The following ADD3 variants were observed in gnomAD, a reference collection of about 807,000 sequenced individuals.
ADD3 encodes gamma-adducin.
Under a neutral mutation model 80.2 loss-of-function variants are expected in ADD3, and 25 were observed. The observed-to-expected ratio is 0.31, with a 90% CI of 0.23 to 0.44. The LOEUF is 0.44. Ranked by LOEUF, ADD3 falls within the 20% of genes least tolerant of loss-of-function variation. The pLI is 1.00. For missense variants in ADD3, 829 were observed against 847.5 expected, an observed-to-expected ratio of 0.98 and a Z score of 0.27; for synonymous variants, 284 against 289.6, an observed-to-expected ratio of 0.98 and a Z score of 0.20.
At chr10:110,020,199 T>C (rs1431458470) in intron 1 of ADD3, among the ~76,000 whole-genome samples, 2 of 152,212 alleles carry the variant, frequency 1.3e-5, no homozygotes, top group Non-Finnish European at 2.9e-5. Flanking sequence ...CAAATATTTA[T>C]TGAGCAATTA....
intron 1 of ADD3, among the ~76,000 whole-genome samples, chr10:110,041,995 C>G (rs921179947): frequency 7.2e-5 from 11 of 152,142 alleles, no homozygotes; most frequent in African/African-American, 2.7e-4. Flanking sequence ...GGTAGCGTCT[C>G]TTGGGATCCG....
chr10:110,045,132 G>T (rs180782722), intron 1 of ADD3, among the ~76,000 whole-genome samples: 131 of 152,266 alleles, frequency 8.6e-4, no homozygotes, highest in African/African-American at 3.0e-3. Flanking sequence ...AGGTGGGGTG[G>T]ATCACAAGGT....
chr10:110,029,186 C>A (rs1854688837), intron 1 of ADD3, among the ~76,000 whole-genome samples: 2 of 152,084 alleles, frequency 1.3e-5, no homozygotes, highest in African/African-American at 4.8e-5. Flanking sequence ...GCTCACTTTC[C>A]ATTTCTTCAA....
upstream of ADD3, among the ~76,000 whole-genome samples, chr10:110,002,121 G>A (rs1300539184): frequency 6.6e-6 from 1 of 151,998 alleles, no homozygotes; most frequent in East Asian, 2.0e-4. Flanking sequence ...GTGAAACCTC[G>A]TTTCTACTAA....
chr10:110,058,602 A>G (rs747509000), intron 1 of ADD3, among the ~76,000 whole-genome samples: 4 of 152,230 alleles, frequency 2.6e-5, no homozygotes, highest in Non-Finnish European at 5.9e-5. Context: ...AAGCTGGGAA[A>G]TCAAGACATT....
chr10:110,112,753 A>C, intron 2 of ADD3, 24 bp from the exon 3 acceptor site: 1 of 1,602,952 alleles, frequency 6.2e-7, no homozygotes, highest in East Asian at 2.2e-5. Context: ...TTGCTTGCTC[A>C]GTCTTTATTT....
intron 1 of ADD3, among the ~76,000 whole-genome samples, chr10:110,032,374 C>T (rs1234720428): frequency 6.6e-6 from 1 of 152,144 alleles, no homozygotes; most frequent in African/African-American, 2.4e-5. Flanking sequence ...TGCATTCACT[C>T]ATCCACTTCT....
At chr10:110,102,667 G>A (rs529443839) in intron 2 of ADD3, among the ~76,000 whole-genome samples, 130 of 152,242 alleles carry the variant, frequency 8.5e-4, no homozygotes, top group Non-Finnish European at 1.6e-3. Context: ...ATTAGTAACT[G>A]AAAGAATGAA....
chr10:110,025,084 C>T (rs966422106), intron 1 of ADD3, among the ~76,000 whole-genome samples: 9 of 151,796 alleles, frequency 5.9e-5, no homozygotes, highest in East Asian at 1.9e-4. Context: ...TTAATAGCGT[C>T]GGGGTTTTGC....
At chr10:110,041,630 T>C (rs992327455) in intron 1 of ADD3, among the ~76,000 whole-genome samples, 1 of 152,222 alleles carries the variant, frequency 6.6e-6, no homozygotes. Context: ...CTTAGAATTA[T>C]GGGCAATTTC....
intron 1 of ADD3, among the ~76,000 whole-genome samples, chr10:110,092,792 A>G (rs751621751): frequency 1.3e-5 from 2 of 152,042 alleles, no homozygotes; most frequent in Non-Finnish European, 2.9e-5. Context: ...ACTGAAAAAA[A>G]AAACCCCTCA....
At chr10:110,063,001 G>A (rs1418471366) in intron 1 of ADD3, among the ~76,000 whole-genome samples, 1 of 152,090 alleles carries the variant, frequency 6.6e-6, no homozygotes, top group Non-Finnish European at 1.5e-5. Context: ...TGTGATTAAG[G>A]GAAAAAATAA....
Position 110,133,634 on chromosome 10 carries a change from AATT to A in ADD3, c.*25_*27del, listed in dbSNP as rs774267630. On this transcript the variant is annotated 3_prime_UTR_variant, in exon 15 of 15. Coordinates refer to ENST00000356080, the MANE Select transcript of ADD3 (RefSeq NM_016824.5). ...TGAGGCCTAAATAAAGTCTTTTTATAATTATTATTATAACAATGTGACATTGCA... is the reference window on the plus strand; with the variant it reads ...TGAGGCCTAAATAAAGTCTTTTTATAATTATTATAACAATGTGACATTGCA... 12 of 1,532,946 alleles carry A rather than the reference AATT, an allele frequency of 7.8e-6. No homozygotes were observed. Among genetic ancestry groups the A allele is most frequent in the African/African-American group, 2.8e-5 (2 of 71,954 alleles). 95.0% of individuals were successfully genotyped at this position (1,532,946 alleles called of 1,614,324 possible).
chr10:110,025,231 G>T (rs926585377), intron 1 of ADD3, among the ~76,000 whole-genome samples: 1 of 151,804 alleles, frequency 6.6e-6, no homozygotes, highest in African/African-American at 2.4e-5. Context: ...CCTAGCGTCC[G>T]TTCCACTAAG....
intron 1 of ADD3, among the ~76,000 whole-genome samples, chr10:110,028,310 A>G (rs1357494356): frequency 6.6e-6 from 1 of 151,926 alleles, no homozygotes; most frequent in Non-Finnish European, 1.5e-5. Context: ...GTGGTGGCTC[A>G]CGCCTGTAAT....
chr10:110,102,809 T>G, intron 2 of ADD3, among the ~76,000 whole-genome samples: 1 of 152,142 alleles, frequency 6.6e-6, no homozygotes, highest in East Asian at 1.9e-4. Context: ...TATGCCAGGG[T>G]TTTTGTCTTA....
At chr10:110,073,133 G>GTT (rs1443878675) in intron 1 of ADD3, among the ~76,000 whole-genome samples, 34 of 106,482 alleles carry the variant, frequency 3.2e-4, no homozygotes, top group Non-Finnish European at 3.7e-4. Flanking sequence ...TTGAGTTTTA[G>GTT]TTTTCTTTTT....
chr10:110,021,600 C>G (rs957228066), intron 1 of ADD3, among the ~76,000 whole-genome samples: 11 of 152,148 alleles, frequency 7.2e-5, no homozygotes, highest in African/African-American at 2.7e-4. Context: ...AGTAAAAAAG[C>G]CAGATACACA....
chr10:110,033,061 C>T (rs67781842), intron 1 of ADD3, among the ~76,000 whole-genome samples: 1 of 152,270 alleles, frequency 6.6e-6, no homozygotes, highest in Admixed American at 6.5e-5. Flanking sequence ...TCATTCATCC[C>T]TTTAACTCCT....
Sources: allele counts gnomAD v4.1 joint callset (sites outside exome capture counted in the v4.1 genomes callset), GRCh38; gene constraint gnomAD v4.1.1; transcripts MANE v1.5; gene names NCBI Gene and HGNC (gene_info 2026-07-23, HGNC 2026-07-21).